The following SATB2 variants were observed in gnomAD, a reference collection of about 807,000 sequenced individuals.
SATB2 encodes DNA-binding protein SATB2.
SATB2 carries 1 observed loss-of-function variant against 73.4 expected under a neutral mutation model. The ratio of observed to expected loss-of-function variants is 0.01; its 90% CI spans 0.00 to 0.06. SATB2 has a LOEUF of 0.06. Ranked by LOEUF, SATB2 falls within the 10% of genes least tolerant of loss-of-function variation. The pLI, the probability that SATB2 is intolerant of heterozygous loss-of-function variation, is 1.00. For missense variants in SATB2, 459 were observed against 945.8 expected (o/e 0.49, Z 6.75); for synonymous variants, 397 against 367.0 (o/e 1.08, Z -0.93).
rs912448696 is a variant in SATB2 at position 199,424,091 on chromosome 2, G to A, written c.346+9247C>T. Among the ~76,000 whole-genome samples the A allele has an allele frequency of 2.0e-5, 3 of 152,160 alleles. No individual in the cohort carries two copies. The East Asian group carries it at 5.8e-4, about 29-fold the overall frequency. Reference sequence around the variant, plus strand: ...TGATATTTCTTCAAACCAAAAAGAGGCAGACAGATAGAGGAAGAACCTTTG... The same window carrying A: ...TGATATTTCTTCAAACCAAAAAGAGACAGACAGATAGAGGAAGAACCTTTG... On this transcript the variant is annotated intron_variant, in intron 3 of 10. Transcript: ENST00000417098.
intron 3 of SATB2, among the ~76,000 whole-genome samples, 163 bp downstream of exon 3, chr2:199,433,175 A>G (rs893525706): frequency 6.6e-6 from 1 of 152,220 alleles, no homozygotes; most frequent in Non-Finnish European, 1.5e-5. Flanking sequence ...TCCCAAAACA[A>G]GAAACAAGAC....
chr2:199,431,233 T>C (rs569437213), intron 3 of SATB2, among the ~76,000 whole-genome samples: 2 of 152,228 alleles, frequency 1.3e-5, no homozygotes, highest in African/African-American at 2.4e-5. Context: ...ATTACCTGTC[T>C]TATCATGCAT....
At chr2:199,330,593 C>T (rs916217678) in intron 7 of SATB2, among the ~76,000 whole-genome samples, 8 of 152,120 alleles carry the variant, frequency 5.3e-5, no homozygotes, top group African/African-American at 1.4e-4. Flanking sequence ...TTAGAAGCAA[C>T]GAGTGAGACA....
At chr2:199,403,435 G>A (rs373775460) in intron 3 of SATB2, among the ~76,000 whole-genome samples, 2 of 151,636 alleles carry the variant, frequency 1.3e-5, no homozygotes, top group East Asian at 3.9e-4. Context: ...GACTATGAGG[G>A]GCATAAAGCA....
intron 7 of SATB2, among the ~76,000 whole-genome samples, chr2:199,346,116 C>T (rs987940362): frequency 6.6e-6 from 1 of 151,664 alleles, no homozygotes; most frequent in African/African-American, 2.4e-5. Flanking sequence ...TAAGAAAATC[C>T]CAACCATTAA....
intron 10 of SATB2, among the ~76,000 whole-genome samples, chr2:199,301,355 G>C (rs912077356): frequency 1.3e-5 from 2 of 152,068 alleles, no homozygotes; most frequent in Non-Finnish European, 2.9e-5. Context: ...CTTCTACCCT[G>C]GTAACTGCAG....
At chr2:199,460,153 C>G (rs1559069613), upstream of SATB2, among the ~76,000 whole-genome samples, 1 of 152,096 alleles carries the variant, frequency 6.6e-6, no homozygotes, top group Non-Finnish European at 1.5e-5. This position sits in a 1 kb window ranked among gnomAD's most constrained non-coding sequence, Gnocchi z 4.0. Flanking sequence ...CCCATCCTCC[C>G]CCCGCATACC....
At chr2:199,331,194 A>T (rs1688178788) in intron 7 of SATB2, among the ~76,000 whole-genome samples, 1 of 141,050 alleles carries the variant, frequency 7.1e-6, no homozygotes, top group Non-Finnish European at 1.5e-5. Context: ...TTTAAAACAC[A>T]GAGTGTTTTA....
intron 3 of SATB2, among the ~76,000 whole-genome samples, chr2:199,389,098 T>A (rs1405985192): frequency 2.0e-5 from 3 of 152,174 alleles, no homozygotes; most frequent in African/African-American, 7.2e-5. Context: ...CTGACTGTGG[T>A]ATATCATCAA....
intron 6 of SATB2, among the ~76,000 whole-genome samples, chr2:199,362,237 T>C (rs1393684794): frequency 6.6e-6 from 1 of 152,214 alleles, no homozygotes; most frequent in Non-Finnish European, 1.5e-5. Flanking sequence ...CTTTCGTACC[T>C]CTGCATCTGT....
At position 199,457,207 on chromosome 2, in the gene SATB2, G is replaced by A. The variant is rs1452151687; in HGVS notation, c.-60+132C>T. The A allele has an allele frequency of 6.6e-6, 1 of 152,382 alleles. No individual in the cohort carries two copies. The highest frequency in any genetic ancestry group is 1.5e-5 in the Non-Finnish European group (1 of 68,136). 9.4% of individuals were successfully genotyped at this position (152,382 alleles called of 1,614,324 possible). On this transcript the variant is annotated intron_variant, in intron 1 of 10. Coordinates refer to ENST00000417098, the MANE Select transcript of SATB2 (RefSeq NM_001172509.2). The surrounding 1 kb of genome is among the most constrained non-coding windows in gnomAD (Gnocchi z 4.8). ...GAAGACACGGAGCAGGAGGGCTGAG[G>A]GCGAGGCTTCCGCCTGCATTCCCCG...
intron 8 of SATB2, among the ~76,000 whole-genome samples, chr2:199,324,676 T>C (rs1024123503): frequency 6.6e-6 from 1 of 152,202 alleles, no homozygotes. Context: ...AAGGACAATA[T>C]AGAAGTCTGT....
At chr2:199,425,059 A>G (rs1214432537) in intron 3 of SATB2, among the ~76,000 whole-genome samples, 2 of 152,246 alleles carry the variant, frequency 1.3e-5, no homozygotes, top group African/African-American at 4.8e-5. Flanking sequence ...ATAAGTTAGT[A>G]AAAGACAGTT....
rs1687486799 is a variant in SATB2 at position 199,308,091 on chromosome 2, T to C, written c.1740+669A>G. Among the ~76,000 whole-genome samples the C allele has an allele frequency of 6.6e-6, 1 of 152,200 alleles. No homozygotes were observed. The highest frequency in any genetic ancestry group is 2.4e-5 in the African/African-American group (1 of 41,456). On this transcript the variant is annotated intron_variant, in intron 10 of 10. Coordinates refer to ENST00000417098, the MANE Select transcript of SATB2 (RefSeq NM_001172509.2). This position sits in a 1 kb window ranked among gnomAD's most constrained non-coding sequence, Gnocchi z 4.6. ...AATATTTCTTCTTAAAAGCAATTAA[T>C]TTTAGACTATGGAAAGTGTCAGTAG... is the stretch of plus-strand genomic sequence containing the variant.
At chr2:199,315,574 C>T (rs1687710094) in intron 9 of SATB2, among the ~76,000 whole-genome samples, 1 of 151,990 alleles carries the variant, frequency 6.6e-6, no homozygotes, top group Non-Finnish European at 1.5e-5. Context: ...CTTTCTCTTC[C>T]CCAGGACACT....
intron 3 of SATB2, among the ~76,000 whole-genome samples, chr2:199,415,699 G>C (rs758719703): frequency 1.3e-5 from 2 of 152,156 alleles, no homozygotes; most frequent in Non-Finnish European, 2.9e-5. Flanking sequence ...TGAGTGACCC[G>C]TGGCCCATCA....
chr2:199,407,934 TAAAAAGTA>T (rs1343990936), intron 3 of SATB2, among the ~76,000 whole-genome samples: 1 of 152,102 alleles, frequency 6.6e-6, no homozygotes, highest in Non-Finnish European at 1.5e-5. Flanking sequence ...GTTCAAAAAT[TAAAAAGTA>T]AAAAAGTTCA....
intron 7 of SATB2, among the ~76,000 whole-genome samples, chr2:199,330,466 CTG>C (rs1263814634): frequency 6.6e-6 from 1 of 152,112 alleles, no homozygotes; most frequent in African/African-American, 2.4e-5. Context: ...TTGTGTGCGT[CTG>C]TGTCTGTGTG....
chr2:199,418,751 A>G (rs986401625), intron 3 of SATB2, among the ~76,000 whole-genome samples: 2 of 152,332 alleles, frequency 1.3e-5, no homozygotes, highest in African/African-American at 4.8e-5. Flanking sequence ...ATCTAATACA[A>G]GTCTTAGTTA....
Sources: allele counts gnomAD v4.1 joint callset (sites outside exome capture counted in the v4.1 genomes callset), GRCh38; gene constraint gnomAD v4.1.1; non-coding constraint Gnocchi (gnomAD v3.1); transcripts MANE v1.5; gene names NCBI Gene and HGNC (gene_info 2026-07-23, HGNC 2026-07-21).